The following CEP72 variants were observed in gnomAD, a reference collection of about 807,000 sequenced individuals.
CEP72 encodes the protein centrosomal protein of 72 kDa.
In CEP72, 78 loss-of-function variants were observed where a neutral mutation model predicts 65.7. The ratio of observed to expected loss-of-function variants is 1.19; its 90% CI spans 0.99 to 1.43. CEP72 has a LOEUF of 1.43. CEP72 is among the 40% of genes most tolerant of loss of function. CEP72 has a pLI of 0.00. For missense variants in CEP72, 914 were observed against 832.9 expected, an observed-to-expected ratio of 1.10 and a Z score of -1.20; for synonymous variants, 358 against 351.7, an observed-to-expected ratio of 1.02 and a Z score of -0.20.
Position 623,527 on chromosome 5 carries a change from A to C in CEP72, c.404-944A>C, listed in dbSNP as rs1384919557. ...CTTCGGACATGCTGCATTAGAATTT[A>C]CACAACAGTCCAGAGAAATGTTCTT... On this transcript the variant is annotated intron_variant, in intron 3 of 11. Coordinates refer to ENST00000264935, the MANE Select transcript of CEP72 (RefSeq NM_018140.4). This position sits in a 1 kb window ranked among gnomAD's most constrained non-coding sequence, Gnocchi z 5.3. 6.6e-6 allele frequency among the ~76,000 whole-genome samples: 1 copy of C among 152,066 alleles called. No homozygotes were observed. Among genetic ancestry groups the C allele is most frequent in the Non-Finnish European group, 1.5e-5 (1 of 68,014 alleles).
downstream of CEP72, among the ~76,000 whole-genome samples, chr5:669,052 G>A (rs950125217): frequency 2.6e-5 from 4 of 152,218 alleles, no homozygotes; most frequent in Non-Finnish European, 4.4e-5. Context: ...AGAAGAAATC[G>A]CGCTGAGAAA....
chr5:646,278 T>A (rs1291881122), intron 10 of CEP72, among the ~76,000 whole-genome samples: 2 of 152,272 alleles, frequency 1.3e-5, no homozygotes, highest in Admixed American at 6.5e-5. Context: ...AACCCTCTTT[T>A]CTGACATTTC....
Position 612,449 on chromosome 5 carries a change from C to T in CEP72, c.82+6C>T. The T allele has an allele frequency of 4.9e-6, 7 of 1,440,270 alleles. No individual in the cohort carries two copies. Among genetic ancestry groups the T allele is most frequent in the Non-Finnish European group, 6.4e-6 (7 of 1,096,268 alleles). The allele number at this position is 1,440,270 out of a possible 1,614,324, so 89.2% of individuals were successfully genotyped here. A position where few individuals can be genotyped will look rare whatever the true frequency, so the allele number is the denominator to read the frequency against. Reference sequence around the variant, plus strand: ...AGGGCCTCACCGCGACCTGGGTGCGCCGGAGGGCGGGCGGGGGTGCAAGCG... The same window carrying T: ...AGGGCCTCACCGCGACCTGGGTGCGTCGGAGGGCGGGCGGGGGTGCAAGCG... On this transcript the variant is annotated splice_donor_region_variant and intron_variant, in intron 1 of 11. Transcript: ENST00000264935.
In CEP72 at chr5:645,561, C is replaced by G. The variant is rs1242804642; in HGVS notation, c.1666+1136C>G. Among the ~76,000 whole-genome samples the G allele has an allele frequency of 6.6e-6, 1 of 152,000 alleles. No individual in the cohort carries two copies. Among genetic ancestry groups the G allele is most frequent in the East Asian group, 1.9e-4 (1 of 5,176 alleles). On this transcript the variant is annotated intron_variant, in intron 10 of 11. Coordinates refer to ENST00000264935, the MANE Select transcript of CEP72 (RefSeq NM_018140.4). The surrounding 1 kb of genome is among the most constrained non-coding windows in gnomAD (Gnocchi z 4.0). Reference sequence around the variant, plus strand: ...TCTGGGTGCGCTGTTTTCCCCCATGCCCCAAAGCTGTGCACGCCAGGGTGT... The same window carrying G: ...TCTGGGTGCGCTGTTTTCCCCCATGGCCCAAAGCTGTGCACGCCAGGGTGT...
chr5:657,498 T>C (rs532873878), downstream of CEP72, among the ~76,000 whole-genome samples: 1 of 152,370 alleles, frequency 6.6e-6, no homozygotes, highest in African/African-American at 2.4e-5. Flanking sequence ...TAATTATTTC[T>C]TCCATGGATG....
downstream of CEP72, chr5:659,791 C>T (rs1739505033): frequency 6.6e-6 from 1 of 152,452 alleles, no homozygotes; most frequent in Non-Finnish European, 1.5e-5. Context: ...CACTCCCCAC[C>T]TGGGGCCCCT....
At chr5:654,053 C>CTG (rs367576868), downstream of CEP72, among the ~76,000 whole-genome samples, 96 of 130,656 alleles carry the variant, frequency 7.3e-4, no homozygotes, top group Admixed American at 1.1e-3. Flanking sequence ...TGTGTGCTAG[C>CTG]TGTGTGTGTG....
intron 11 of CEP72, among the ~76,000 whole-genome samples, chr5:648,858 T>TG (rs775648016): frequency 6.9e-4 from 7 of 10,148 alleles, no homozygotes; most frequent in Admixed American, 2.9e-3. Context: ...CTGTGAGGTG[T>TG]GACTGTGAGG....
chr5:617,934 G>A (rs954636413), intron 1 of CEP72, among the ~76,000 whole-genome samples: 5 of 152,160 alleles, frequency 3.3e-5, no homozygotes, highest in African/African-American at 7.2e-5. Context: ...TGATGTATTC[G>A]GATCTAAACT....
Position 624,323 on chromosome 5 carries a change from C to T in CEP72, c.404-148C>T. The T allele has an allele frequency of 1.6e-6, 1 of 629,398 alleles. No individual in the cohort carries two copies. The highest frequency in any genetic ancestry group is 1.8e-5 in the South Asian group (1 of 54,788). The allele number at this position is 629,398 out of a possible 1,614,324, so 39.0% of individuals were successfully genotyped here. ...GGGCATCGCCGGGAAGCTGTGGGAC[C>T]ACCAGAGCCCAGCATTCCGGTGCTA... On this transcript the variant is annotated intron_variant, in intron 3 of 11. Transcript: ENST00000264935. This position sits in a 1 kb window ranked among gnomAD's most constrained non-coding sequence, Gnocchi z 4.7.
At chr5:651,295 G>GC (rs1739060716) in intron 11 of CEP72, among the ~76,000 whole-genome samples, 1 of 115,728 alleles carries the variant, frequency 8.6e-6, no homozygotes, top group Non-Finnish European at 1.9e-5. Context: ...TGACTGTGAG[G>GC]TGTGACTGTG....
chr5:671,031 C>T (rs1225225749), downstream of CEP72, among the ~76,000 whole-genome samples: 2 of 152,176 alleles, frequency 1.3e-5, no homozygotes, highest in Non-Finnish European at 2.9e-5. Flanking sequence ...CCAGGGCCCT[C>T]CCATTGCTGC....
In CEP72 at chr5:640,594, A is replaced by G. The variant is rs1205156284; in HGVS notation, c.1529A>G (p.His510Arg). The G allele has an allele frequency of 1.9e-6, 3 of 1,612,010 alleles. No homozygotes were observed. The highest frequency in any genetic ancestry group is 2.2e-5 in the East Asian group (1 of 44,860). Residue 510 changes from histidine to arginine, a missense_variant, in exon 9 of 12, where the codon CAC becomes CGC. His to Arg is a conservative substitution (Grantham distance 29, BLOSUM62 0). Transcript: ENST00000264935. ...GTGACGGCGGAGCTGCACCACACAC[A>G]CAAGGAGCTGGTGAGCCCGCCCTGG... The part of the protein sequence containing the change: ...SEVTAELHHT[H>R]KELDDLRQHL...
At chr5:648,776 TGTGACTGTGAGGTGTGACTGTGAGGC>T (rs1561061855) in intron 11 of CEP72, among the ~76,000 whole-genome samples, 3 of 67,744 alleles carry the variant, frequency 4.4e-5, no homozygotes, top group East Asian at 4.4e-4. Flanking sequence ...GACTGTGAGG[TGTGACTGTGAGGTGTGACTGTGAGGC>T]GTGGACTGTG....
Position 619,854 on chromosome 5 carries a change from G to A in CEP72, c.211-215G>A, listed in dbSNP as rs566183200. Among the ~76,000 whole-genome samples the A allele has an allele frequency of 9.2e-5, 14 of 152,320 alleles. No individual in the cohort carries two copies. The South Asian group carries it at 1.2e-3, about 14-fold the overall frequency. On this transcript the variant is annotated intron_variant, in intron 2 of 11. Coordinates refer to ENST00000264935, the MANE Select transcript of CEP72 (RefSeq NM_018140.4). ...GTAGATATTAGCTGTGCTTAGTTGC[G>A]TCACATGTGGGTTCCATAAACGACC...
downstream of CEP72, among the ~76,000 whole-genome samples, chr5:669,988 C>T (rs895731797): frequency 1.7e-4 from 26 of 152,192 alleles, no homozygotes; most frequent in African/African-American, 3.9e-4. Context: ...CTCCCCAGCC[C>T]GGCGCCCTGC....
At chr5:637,298 C>T (rs1430265600) in intron 6 of CEP72, among the ~76,000 whole-genome samples, 1 of 152,212 alleles carries the variant, frequency 6.6e-6, no homozygotes, top group East Asian at 1.9e-4. Flanking sequence ...CCCAGTATGC[C>T]CCTTTCTTCC....
chr5:640,516 T>C lies in CEP72; in HGVS notation c.1451T>C (p.Leu484Pro), dbSNP rs772897080. The change falls in exon 9 of 12, where the codon CTG becomes CCG. Residue 484 changes from leucine (L) to proline (P), a missense_variant. By Grantham distance (98) the Leu-to-Pro change is moderately conservative (BLOSUM62 -3). Coordinates refer to ENST00000264935, the MANE Select transcript of CEP72 (RefSeq NM_018140.4). ...TCCCTGGCTCTGGAGAGTAAGTCCC[T>C]GCAAAGCCGCCTTGCTGAGCAGCAG... ...VGSLALESKSLQSRLAEQQQQ... is the reference protein window; with the variant it reads ...VGSLALESKSPQSRLAEQQQQ... 6 of 1,614,206 alleles carry C rather than the reference T, an allele frequency of 3.7e-6. No individual in the cohort carries two copies. In the South Asian group the frequency reaches 6.6e-5, roughly 18 times the overall value.
downstream of CEP72, among the ~76,000 whole-genome samples, chr5:654,420 C>T (rs116361582): frequency 0.017 from 2,560 of 147,768 alleles, 67 homozygotes; most frequent in African/African-American, 0.061. Flanking sequence ...TGTGTGCTAG[C>T]TGTGTGTGTC....
Sources: allele counts gnomAD v4.1 joint callset (sites outside exome capture counted in the v4.1 genomes callset), GRCh38; gene constraint gnomAD v4.1.1; non-coding constraint Gnocchi (gnomAD v3.1); transcripts MANE v1.5; gene names NCBI Gene and HGNC (gene_info 2026-07-23, HGNC 2026-07-21).